Variants in UNC5C observed in about 807,000 individuals in gnomAD.
The protein encoded by UNC5C is netrin receptor UNC5C.
UNC5C carries 47 observed loss-of-function variants against 99.8 expected under a neutral mutation model. The observed-to-expected ratio is 0.47, with a 90% confidence interval of 0.37 to 0.60. UNC5C has a LOEUF of 0.60. Ranked by LOEUF, UNC5C falls within the 20% of genes least tolerant of loss-of-function variation. UNC5C has a pLI of 0.00. For missense variants in UNC5C, 1,062 were observed against 1,165.9 expected (o/e 0.91, Z 1.30); for synonymous variants, 487 against 452.2 (o/e 1.08, Z -0.98).
intron 1 of UNC5C, among the ~76,000 whole-genome samples, chr4:95,470,060 A>G (rs1423981791): frequency 6.6e-6 from 1 of 152,140 alleles, no homozygotes; most frequent in African/African-American, 2.4e-5. Flanking sequence ...AGTACTATGC[A>G]CAGACTGTAT....
intron 2 of UNC5C, among the ~76,000 whole-genome samples, chr4:95,315,689 A>G (rs1490766156): frequency 6.6e-6 from 1 of 152,202 alleles, no homozygotes; most frequent in Non-Finnish European, 1.5e-5. Context: ...TGAGGTATGG[A>G]TCATAGTAAA....
intron 1 of UNC5C, among the ~76,000 whole-genome samples, chr4:95,406,919 C>A (rs1185658045): frequency 1.3e-5 from 2 of 152,014 alleles, no homozygotes; most frequent in African/African-American, 4.8e-5. Context: ...CCTTTAAAAT[C>A]AAAATAATTC....
intron 4 of UNC5C, among the ~76,000 whole-genome samples, chr4:95,273,075 C>T (rs146018800): frequency 3.3e-5 from 5 of 152,336 alleles, no homozygotes; most frequent in African/African-American, 9.6e-5. Flanking sequence ...CTGTTTATCA[C>T]GACTATACTC....
intron 1 of UNC5C, among the ~76,000 whole-genome samples, chr4:95,466,296 C>A (rs1413166602): frequency 6.6e-6 from 1 of 152,114 alleles, no homozygotes; most frequent in Non-Finnish European, 1.5e-5. Flanking sequence ...GGCAAAAATC[C>A]TGGCCGTTGC....
intron 1 of UNC5C, among the ~76,000 whole-genome samples, chr4:95,356,645 C>T (rs937657108): frequency 1.7e-4 from 26 of 152,162 alleles, no homozygotes; most frequent in African/African-American, 6.3e-4. Context: ...TCCCTTAGCA[C>T]TCTAGGAGTC....
At chr4:95,502,345 T>C (rs114267057) in intron 1 of UNC5C, among the ~76,000 whole-genome samples, 3,213 of 152,228 alleles carry the variant, frequency 0.021, 118 homozygotes, top group African/African-American at 0.074. Flanking sequence ...CATAGCTCTC[T>C]GCCGCCTTGA....
intron 5 of UNC5C, 62 bp downstream of exon 5, chr4:95,250,425 C>G: frequency 6.6e-7 from 1 of 1,524,574 alleles, no homozygotes; most frequent in South Asian, 1.2e-5. Flanking sequence ...CTAGCTTTAC[C>G]GATGCCAACG....
intron 1 of UNC5C, among the ~76,000 whole-genome samples, chr4:95,520,181 A>G (rs187114635): frequency 9.8e-5 from 15 of 152,346 alleles, no homozygotes; most frequent in Non-Finnish European, 2.1e-4. Context: ...AGATCTTTCT[A>G]CAGATCATAT....
chr4:95,322,238 A>G (rs1447584176), intron 2 of UNC5C, among the ~76,000 whole-genome samples: 2 of 152,234 alleles, frequency 1.3e-5, no homozygotes, highest in Non-Finnish European at 2.9e-5. Flanking sequence ...GAGAATAACA[A>G]TTGGTGTGAT....
intron 12 of UNC5C, among the ~76,000 whole-genome samples, chr4:95,197,199 A>C (rs779736219): frequency 2.0e-5 from 3 of 149,436 alleles, no homozygotes; most frequent in Non-Finnish European, 4.4e-5. Flanking sequence ...AATAATAATA[A>C]AAAGTGATAA....
intron 1 of UNC5C, among the ~76,000 whole-genome samples, chr4:95,373,633 GCAC>G (rs1744808832): frequency 6.6e-6 from 1 of 152,098 alleles, no homozygotes; most frequent in Non-Finnish European, 1.5e-5. Flanking sequence ...TGTATCCTCA[GCAC>G]TAGCACAGCA....
intron 10 of UNC5C, 123 bp from the exon 11 acceptor site, chr4:95,206,919 T>C (rs1737900000): frequency 3.5e-6 from 3 of 855,348 alleles, no homozygotes; most frequent in South Asian, 2.4e-5. Context: ...TTTTTTTTTT[T>C]CTGGGGGGTT....
intron 1 of UNC5C, among the ~76,000 whole-genome samples, chr4:95,526,653 T>A (rs1254840978): frequency 6.6e-6 from 1 of 151,800 alleles, no homozygotes; most frequent in Admixed American, 6.6e-5. Context: ...ATTTAAATAA[T>A]CACCACAAAA....
chr4:95,192,357 TCCTCCCTTGCTCATC>T (rs1737174917), intron 12 of UNC5C, among the ~76,000 whole-genome samples: 1 of 40,222 alleles, frequency 2.5e-5, no homozygotes, highest in East Asian at 8.9e-4. Context: ...CCCTGCTCAC[TCCTCCCTTGCTCATC>T]CTCCTCTCCT....
chr4:95,384,295 A>T (rs965537516), intron 1 of UNC5C, among the ~76,000 whole-genome samples: 1 of 152,210 alleles, frequency 6.6e-6, no homozygotes, highest in South Asian at 2.1e-4. Context: ...TAAAAAGCAC[A>T]CGGTGTCATG....
Position 95,245,023 on chromosome 4 carries a change from A to C in UNC5C, c.897T>G (p.Cys299Trp). The change falls in exon 6 of 16, where the codon TGT (cysteine) becomes TGG (tryptophan). Residue 299 changes from cysteine to tryptophan, a missense_variant. By Grantham distance (215) the Cys-to-Trp change is radical. Coordinates refer to ENST00000453304, the MANE Select transcript of UNC5C (RefSeq NM_003728.4). ...NPAPLNGGAF[C>W]EGQSVQKIAC... ...CTATTTTCTGCACACTCTGCCCTTC[A>C]CAGAAGGCACCCCCATTGAGTGGTG... The C allele has an allele frequency of 6.2e-7, 1 of 1,613,970 alleles. No homozygotes were observed. Among genetic ancestry groups the C allele is most frequent in the Non-Finnish European group, 8.5e-7 (1 of 1,179,954 alleles).
intron 1 of UNC5C, among the ~76,000 whole-genome samples, chr4:95,518,188 G>A (rs1722263944): frequency 6.6e-6 from 1 of 152,244 alleles, no homozygotes; most frequent in African/African-American, 2.4e-5. Context: ...TCTCCTTTAT[G>A]TTTGGCCTAT....
intron 2 of UNC5C, among the ~76,000 whole-genome samples, chr4:95,333,531 T>C (rs1174739362): frequency 7.7e-6 from 1 of 129,924 alleles, no homozygotes; most frequent in Non-Finnish European, 1.5e-5. Context: ...TGAGAACACA[T>C]GGACACAGGA....
intron 1 of UNC5C, among the ~76,000 whole-genome samples, chr4:95,544,153 A>G (rs1430664154): frequency 2.6e-5 from 4 of 152,204 alleles, no homozygotes; most frequent in African/African-American, 9.6e-5. Context: ...ATTTTTACAT[A>G]TGAGGAAACT....
Sources: gnomAD v4.1 joint callset for allele counts (sites outside exome capture counted in the v4.1 genomes callset) on GRCh38, gnomAD v4.1.1 for gene constraint, MANE v1.5 for transcripts, NCBI Gene and HGNC (gene_info 2026-07-23, HGNC 2026-07-21) for gene names.